Variants in MLX observed in about 807,000 individuals in gnomAD.
MLX encodes the protein MAX dimerization protein MLX, also known as max-like protein X.
MLX carries 15 observed loss-of-function variants against 33.0 expected under a neutral mutation model. The observed-to-expected ratio is 0.45, with a 90% CI of 0.30 to 0.70. The LOEUF is 0.70. Among genes scored for constraint, MLX ranks in the 30% least tolerant of loss-of-function variants. MLX has a pLI of 0.07. For missense variants in MLX, 285 were observed against 306.3 expected, an observed-to-expected ratio of 0.93 and a Z score of 0.52; for synonymous variants, 115 against 115.6, an observed-to-expected ratio of 0.99 and a Z score of 0.03.
chr17:42,567,343 G>A, intron 1 of MLX, 177 bp downstream of exon 1: 5 of 1,407,358 alleles, frequency 3.6e-6, no homozygotes, highest in African/African-American at 1.5e-5. Flanking sequence ...GGAGACAAAC[G>A]AGGCGTGTGC....
rs2093033300 is a variant in MLX, at chr17:42,571,627, C to G, written c.*24C>G. The G allele has an allele frequency of 1.9e-6, 3 of 1,604,832 alleles. No individual in the cohort carries two copies. The highest frequency in any genetic ancestry group is 1.3e-5 in the African/African-American group (1 of 74,942). ...GACCGGTTCTTGGAAACCTGGAGAACAGCCAACAAGAGGCCCTTGAATCTC... is the reference window on the plus strand; with the variant it reads ...GACCGGTTCTTGGAAACCTGGAGAAGAGCCAACAAGAGGCCCTTGAATCTC... On this transcript the variant is annotated 3_prime_UTR_variant, in exon 8 of 8. Coordinates refer to ENST00000435881, the MANE Select transcript of MLX (RefSeq NM_198204.2).
At chr17:42,569,866 C>T (rs2143258867) in intron 6 of MLX, 116 bp from the exon 7 acceptor site, 1 of 1,002,794 alleles carries the variant, frequency 1.0e-6, no homozygotes, top group Non-Finnish European at 1.5e-6. Context: ...GATACTGAAC[C>T]CCACCCAGAA....
chr17:42,567,661 T>C lies in MLX; in HGVS notation c.79+6T>C, dbSNP rs1489987737. 6.2e-7 allele frequency: 1 copy of C among 1,613,828 alleles called. No individual in the cohort carries two copies. On this transcript the variant is annotated splice_donor_region_variant and intron_variant, in intron 2 of 7. Coordinates refer to ENST00000435881, the MANE Select transcript of MLX (RefSeq NM_198204.2). ...CGACAACAGCCTGGACCCCGGTGAG[T>C]AGCTGCCCCATCTTAAGCTCTAGAG...
chr17:42,572,885 C>T lies in MLX; in HGVS notation c.*1282C>T. On this transcript the variant is annotated 3_prime_UTR_variant, in exon 8 of 8. Coordinates refer to ENST00000435881, the MANE Select transcript of MLX (RefSeq NM_198204.2). ...AAAGTAGCAGGAACAACAACAAAAG[C>T]CAACCAAAAACAAGGTAGCCAGTGC... 6.6e-7 allele frequency: 1 copy of T among 1,525,464 alleles called. No individual in the cohort carries two copies. Among genetic ancestry groups the T allele is most frequent in the Non-Finnish European group, 9.1e-7 (1 of 1,101,772 alleles). 94.5% of individuals were successfully genotyped at this position (1,525,464 alleles called of 1,614,324 possible). A position where few individuals can be genotyped will look rare whatever the true frequency, so the allele number is the denominator to read the frequency against.
intron 2 of MLX, 100 bp downstream of exon 2, chr17:42,567,755 C>T: frequency 6.6e-7 from 1 of 1,506,858 alleles, no homozygotes; most frequent in Non-Finnish European, 9.2e-7. Context: ...AGTCCACTCT[C>T]CCTGAGCAGA....
intron 1 of MLX, 104 bp downstream of exon 1, chr17:42,567,270 C>T: frequency 7.4e-7 from 1 of 1,345,712 alleles, no homozygotes; most frequent in Non-Finnish European, 9.6e-7. Flanking sequence ...CCAAAGTCCC[C>T]CACGCTCTCC....
rs926080556 is a variant in MLX, at chr17:42,572,115, G to C, written c.*512G>C. 1 of 285,634 alleles carries C rather than the reference G, an allele frequency of 3.5e-6. No individual in the cohort carries two copies. Among genetic ancestry groups the C allele is most frequent in the Non-Finnish European group, 6.9e-6 (1 of 145,580 alleles). The allele number at this position is 285,634 out of a possible 1,614,324, so 17.7% of individuals were successfully genotyped here. ...GCCATGAAGGGTGAAAGGGCACCTT[G>C]TGCCTAGACTAGGGCTGCCTGGTCA... is the stretch of plus-strand genomic sequence containing the variant. On this transcript the variant is annotated 3_prime_UTR_variant, in exon 8 of 8. Transcript: ENST00000435881.
intron 2 of MLX, 109 bp from the exon 3 acceptor site, chr17:42,568,361 T>TAA: frequency 1.6e-5 from 11 of 674,642 alleles, no homozygotes; most frequent in East Asian, 3.2e-5. Context: ...AGACTCTGTC[T>TAA]AAAAAAAAAA....
rs187454579 is a variant in MLX, at chr17:42,568,967, A to G, written c.276+24A>G. The G allele has an allele frequency of 1.1e-4, 169 of 1,590,314 alleles. 1 individual carries two copies. In the East Asian group the frequency reaches 3.8e-3, roughly 36 times the overall value. On this transcript the variant is annotated intron_variant, in intron 4 of 7. Transcript: ENST00000435881. The stretch of plus-strand genomic sequence containing the variant: ...AGGTGAACAGGGAGGCCTGTGCCTC[A>G]GCCAGTGCGGGAGGGCCCTGCATAG...
chr17:42,572,546 T>C lies in MLX; in HGVS notation c.*943T>C. On this transcript the variant is annotated 3_prime_UTR_variant, in exon 8 of 8. Coordinates refer to ENST00000435881, the MANE Select transcript of MLX (RefSeq NM_198204.2). ...GCCCAGCAGGTCCTGAGTGAAGCCG[T>C]GGGCCCTCCAAATGCTCGTTTTATA... is the stretch of plus-strand genomic sequence containing the variant. 2.2e-6 allele frequency: 1 copy of C among 453,782 alleles called. No homozygotes were observed. The highest frequency in any genetic ancestry group is 1.6e-5 in the South Asian group (1 of 64,224). The allele number at this position is 453,782 out of a possible 1,614,324, so 28.1% of individuals were successfully genotyped here. A position where few individuals can be genotyped will look rare whatever the true frequency, so the allele number is the denominator to read the frequency against.
Position 42,573,069 on chromosome 17 carries a change from A to AC in MLX, c.*1468dup. On this transcript the variant is annotated 3_prime_UTR_variant, in exon 8 of 8. Transcript: ENST00000435881. ...GTGAATGAGATGTCACCAGGATAAG[A>AC]CCACAGGGAAGCAAAGAAGGAAGAG... 6.2e-7 allele frequency: 1 copy of AC among 1,614,182 alleles called. No homozygotes were observed. The highest frequency in any genetic ancestry group is 8.5e-7 in the Non-Finnish European group (1 of 1,179,986).
rs367901553 is a variant in MLX at position 42,567,605 on chromosome 17, G to T, written c.43-14G>T. 2.5e-6 allele frequency: 4 copies of T among 1,613,940 alleles called. No homozygotes were observed. In the Admixed American group the frequency reaches 5.0e-5, roughly 20 times the overall value. On this transcript the variant is annotated splice_polypyrimidine_tract_variant and intron_variant, in intron 1 of 7. Coordinates refer to ENST00000435881, the MANE Select transcript of MLX (RefSeq NM_198204.2). ...CGGAGGTCTGACGGGCCCTTCCCGT[G>T]CTCTGTGCCGCAGGTGGAGTATGCC...
intron 7 of MLX, among the ~76,000 whole-genome samples, chr17:42,571,161 G>A (rs1450747516): frequency 5.1e-5 from 7 of 136,260 alleles, no homozygotes; most frequent in East Asian, 2.2e-4. Context: ...TTTTTGAGAC[G>A]GAGTCTCACT....
Position 42,570,007 on chromosome 17 carries a change from C to G in MLX, c.502C>G (p.His168Asp). The G allele has an allele frequency of 1.2e-6, 2 of 1,614,002 alleles. No individual in the cohort carries two copies. The highest frequency in any genetic ancestry group is 1.7e-6 in the Non-Finnish European group (2 of 1,180,020). The change falls in exon 7 of 8, where the codon CAC (histidine) becomes GAC (aspartate). Residue 168 changes from histidine (H) to aspartate (D), a missense_variant. Transcript: ENST00000435881. ...GAACTATGAGCAGATTGTGAAGGCA[C>G]ACCAGGACAACCCCCATGAAGGGGA... ...KVNYEQIVKA[H>D]QDNPHEGEDQ...
intron 2 of MLX, 176 bp from the exon 3 acceptor site, chr17:42,568,294 C>T (rs1324598964): frequency 8.7e-5 from 30 of 342,926 alleles, no homozygotes; most frequent in Admixed American, 3.4e-4. Flanking sequence ...ACCTGGGAGG[C>T]GGAGCTTGCA....
rs1369007037 is a variant in MLX at position 42,573,169 on chromosome 17, G to A, written c.*1566G>A. ...ATTGCATCAGACAGCTCTGTAGCCT[G>A]ACAAGAAATAAAACCACCCGTTTTC... On this transcript the variant is annotated 3_prime_UTR_variant, in exon 8 of 8. Transcript: ENST00000435881. The A allele has an allele frequency of 6.2e-7, 1 of 1,614,208 alleles. No homozygotes were observed. Among genetic ancestry groups the A allele is most frequent in the Non-Finnish European group, 8.5e-7 (1 of 1,180,042 alleles).
intron 1 of MLX, 107 bp downstream of exon 1, chr17:42,567,273 C>A: frequency 1.5e-6 from 2 of 1,344,848 alleles, no homozygotes; most frequent in South Asian, 2.1e-5. Context: ...AAGTCCCCCA[C>A]GCTCTCCGTG....
rs958453438 is a variant in MLX at position 42,571,657 on chromosome 17, T to G, written c.*54T>G. ...AACAAGAGGCCCTTGAATCTCTACG[T>G]GGCCACTGAACTGCTGGGCCCGGGA... On this transcript the variant is annotated 3_prime_UTR_variant, in exon 8 of 8. Transcript: ENST00000435881. 2.4e-5 allele frequency: 38 copies of G among 1,560,080 alleles called. No homozygotes were observed. Among genetic ancestry groups the G allele is most frequent in the Non-Finnish European group, 3.2e-5 (36 of 1,130,898 alleles).
chr17:42,568,971 A>C, intron 4 of MLX, 28 bp downstream of exon 4: 1 of 1,583,822 alleles, frequency 6.3e-7, no homozygotes, highest in Non-Finnish European at 8.6e-7. Flanking sequence ...TGCCTCAGCC[A>C]GTGCGGGAGG....
Sources: allele counts gnomAD v4.1 joint callset (sites outside exome capture counted in the v4.1 genomes callset), GRCh38; gene constraint gnomAD v4.1.1; transcripts MANE v1.5; gene names NCBI Gene and HGNC (gene_info 2026-07-23, HGNC 2026-07-21).